The following DCC variants were observed in gnomAD, a reference collection of about 807,000 sequenced individuals.
The protein encoded by DCC is netrin receptor DCC.
A neutral mutation model predicts 172.5 loss-of-function variants in DCC; 58 were observed. The ratio of observed to expected loss-of-function variants is 0.34; its 90% CI spans 0.27 to 0.42. DCC has a LOEUF of 0.42. Ranked by LOEUF, DCC falls within the 10% of genes least tolerant of loss-of-function variation. The pLI, the probability that DCC is intolerant of heterozygous loss-of-function variation, is 1.00. For missense variants in DCC, 1,740 were observed against 1,791.0 expected (o/e 0.97, Z 0.51); for synonymous variants, 709 against 644.5 (o/e 1.10, Z -1.52).
At chr18:53,110,036 T>C (rs1183967469) in intron 7 of DCC, among the ~76,000 whole-genome samples, 1 of 151,654 alleles carries the variant, frequency 6.6e-6, no homozygotes, top group Non-Finnish European at 1.5e-5. Flanking sequence ...TTCATAGAAG[T>C]CCTAATTTGA....
At chr18:52,673,128 T>C (rs1468330230) in intron 1 of DCC, among the ~76,000 whole-genome samples, 1 of 152,196 alleles carries the variant, frequency 6.6e-6, no homozygotes, top group Non-Finnish European at 1.5e-5. Context: ...TAATAAACTC[T>C]TGCTGTTTAG....
chr18:52,675,768 C>A (rs1166048624), intron 1 of DCC, among the ~76,000 whole-genome samples: 1 of 152,160 alleles, frequency 6.6e-6, no homozygotes, highest in Non-Finnish European at 1.5e-5. Context: ...CGGCAACAAG[C>A]GTTGACATAG....
chr18:53,429,765 C>T (rs1327059585), intron 21 of DCC, among the ~76,000 whole-genome samples: 3 of 152,028 alleles, frequency 2.0e-5, no homozygotes, highest in African/African-American at 4.8e-5. Flanking sequence ...TGTAGAGCAC[C>T]AGGGCTCAAT....
At chr18:52,544,713 T>A (rs1244987041) in intron 1 of DCC, among the ~76,000 whole-genome samples, 1 of 152,140 alleles carries the variant, frequency 6.6e-6, no homozygotes, top group Non-Finnish European at 1.5e-5. Context: ...AAAAAATATA[T>A]GTAGATATAG....
chr18:52,840,747 T>C (rs2038790053), intron 2 of DCC, among the ~76,000 whole-genome samples: 1 of 152,200 alleles, frequency 6.6e-6, no homozygotes, highest in African/African-American at 2.4e-5. Flanking sequence ...TAAAATATTA[T>C]TCTTATTTAA....
chr18:52,406,410 C>T (rs569980057), intron 1 of DCC, among the ~76,000 whole-genome samples: 20 of 151,882 alleles, frequency 1.3e-4, no homozygotes, highest in African/African-American at 4.6e-4. Flanking sequence ...AGAAAATTTT[C>T]GCAACCTACT....
At position 52,906,301 on chromosome 18, in the gene DCC, A is replaced by G. The variant is rs574398198; in HGVS notation, c.670A>G (p.Asn224Asp). ...AAATCCAGCCAGCTCAAGAACAGGAAATGAAGCAGAAGTCAGAATTTTATC... is the reference window on the plus strand; with the variant it reads ...AAATCCAGCCAGCTCAAGAACAGGAGATGAAGCAGAAGTCAGAATTTTATC... ...ARNPASSRTG[N>D]EAEVRILSDP... Residue 224 changes from asparagine (N) to aspartate (D), a missense_variant, in exon 3 of 29, where the codon AAT becomes GAT. By Grantham distance (23) the Asn-to-Asp change is conservative. Around this residue, in one of 2 missense-constraint regions of DCC, gnomAD observed 1,732 missense variants for 1,767.4 expected, o/e 0.98. Transcript: ENST00000442544. The G allele has an allele frequency of 6.2e-7, 1 of 1,613,996 alleles. No individual in the cohort carries two copies. The highest frequency in any genetic ancestry group is 1.1e-5 in the South Asian group (1 of 91,082).
chr18:53,502,505 G>A (rs1261102792), intron 27 of DCC, among the ~76,000 whole-genome samples: 1 of 152,104 alleles, frequency 6.6e-6, no homozygotes, highest in Non-Finnish European at 1.5e-5. Flanking sequence ...TTAACTACAT[G>A]CTTCTTAGAC....
intron 1 of DCC, among the ~76,000 whole-genome samples, chr18:52,428,311 G>T (rs1361731903): frequency 6.6e-6 from 1 of 152,066 alleles, no homozygotes; most frequent in African/African-American, 2.4e-5. Context: ...TCTTTTACAT[G>T]AAGCCTTCAG....
chr18:53,421,386 A>G (rs916657361), intron 21 of DCC, among the ~76,000 whole-genome samples: 4 of 152,174 alleles, frequency 2.6e-5, no homozygotes, highest in Admixed American at 2.6e-4. Flanking sequence ...TTACAAAGAA[A>G]ATGCTCACTT....
rs1358728775 is a variant in DCC, at chr18:53,450,352, T to C, written c.3230-148T>C. The C allele has an allele frequency of 1.4e-5, 11 of 804,644 alleles. No individual in the cohort carries two copies. In the Admixed American group the frequency reaches 1.9e-4, roughly 14 times the overall value. The allele number at this position is 804,644 out of a possible 1,614,324, so 49.8% of individuals were successfully genotyped here. A position where few individuals can be genotyped will look rare whatever the true frequency, so the allele number is the denominator to read the frequency against. On this transcript the variant is annotated intron_variant, in intron 22 of 28. Coordinates refer to ENST00000442544, the MANE Select transcript of DCC (RefSeq NM_005215.4). ...TGTGTAAATAGGTGTTTCCTCTCAT[T>C]TTTTCATTGCTTCCCTCGAACTCCC...
chr18:52,925,498 C>T, intron 5 of DCC, 128 bp downstream of exon 5: 1 of 914,898 alleles, frequency 1.1e-6, no homozygotes, highest in Non-Finnish European at 1.8e-6. Context: ...CAATACTCCA[C>T]ACATGTCCTT....
At chr18:53,329,412 T>C (rs1897260) in intron 14 of DCC, among the ~76,000 whole-genome samples, 6,697 of 152,082 alleles carry the variant, frequency 0.044, 481 homozygotes, top group African/African-American at 0.15. Flanking sequence ...TTAGAGCTAA[T>C]AAGAGAATTT....
intron 3 of DCC, among the ~76,000 whole-genome samples, chr18:52,914,054 C>T (rs2040006526): frequency 6.6e-6 from 1 of 152,036 alleles, no homozygotes; most frequent in African/African-American, 2.4e-5. Context: ...GAGCCAAAAT[C>T]ACAAACCCAT....
chr18:53,054,494 T>C (rs1353103492), intron 5 of DCC, among the ~76,000 whole-genome samples: 5 of 152,078 alleles, frequency 3.3e-5, no homozygotes, highest in Admixed American at 6.6e-5. Context: ...ATAATGTCAG[T>C]AAGTATATAG....
intron 3 of DCC, among the ~76,000 whole-genome samples, chr18:52,911,814 C>T (rs1393086444): frequency 6.6e-6 from 1 of 151,420 alleles, no homozygotes; most frequent in Non-Finnish European, 1.5e-5. Context: ...TCTCTTATAC[C>T]AGGGTATAAA....
chr18:53,207,675 C>T lies in DCC; in HGVS notation c.1723-4C>T, dbSNP rs552346025. The T allele has an allele frequency of 3.7e-6, 6 of 1,613,302 alleles. No individual in the cohort carries two copies. Among genetic ancestry groups the T allele is most frequent in the East Asian group, 2.2e-5 (1 of 44,838 alleles). On this transcript the variant is annotated splice_region_variant and splice_polypyrimidine_tract_variant and intron_variant, in intron 10 of 28. Transcript: ENST00000442544. ...ATAACAGTTTTGGTGTTTTATGTCT[C>T]CAGAATATAGAGGTTGATGGACTAT...
At chr18:52,753,673 T>C (rs926297209) in intron 2 of DCC, among the ~76,000 whole-genome samples, 5 of 152,116 alleles carry the variant, frequency 3.3e-5, no homozygotes, top group African/African-American at 1.2e-4. Flanking sequence ...AACAGCTGAG[T>C]AATAAGATGA....
intron 1 of DCC, among the ~76,000 whole-genome samples, chr18:52,373,169 C>A (rs921005293): frequency 2.0e-5 from 3 of 152,042 alleles, no homozygotes; most frequent in African/African-American, 7.2e-5. Flanking sequence ...AGCATCAACC[C>A]CACCCACAAG....
Sources: allele counts gnomAD v4.1 joint callset (sites outside exome capture counted in the v4.1 genomes callset), GRCh38; gene constraint gnomAD v4.1.1; regional missense constraint gnomAD v4.1.1; transcripts MANE v1.5; gene names NCBI Gene and HGNC (gene_info 2026-07-23, HGNC 2026-07-21).